ESPN: variants seen among roughly 807,000 people sequenced by gnomAD.
ESPN encodes espin.
Under a neutral mutation model 77.7 loss-of-function variants are expected in ESPN, and 68 were observed. The observed-to-expected ratio is 0.87, with a 90% CI of 0.72 to 1.07. The LOEUF is 1.07. Ranked by LOEUF, ESPN falls within the 50% of genes least tolerant of loss-of-function variation. The pLI, the probability that ESPN is intolerant of heterozygous loss-of-function variation, is 0.00. For missense variants in ESPN, 1,060 were observed against 1,239.0 expected (o/e 0.86, Z 2.17); for synonymous variants, 449 against 567.1 (o/e 0.79, Z 2.96).
chr1:6,454,061 G>C (rs1644002036), intron 10 of ESPN, among the ~76,000 whole-genome samples: 1 of 152,200 alleles, frequency 6.6e-6, no homozygotes. Context: ...CCCTCGGATG[G>C]GTTGGGGAGG....
At chr1:6,453,966 A>T (rs114394142) in intron 10 of ESPN, among the ~76,000 whole-genome samples, 3,684 of 152,224 alleles carry the variant, frequency 0.024, 137 homozygotes, top group African/African-American at 0.084. Flanking sequence ...CACAGAAAAC[A>T]TTGAGCACAG....
chr1:6,439,599 A>T (rs1643546999), intron 2 of ESPN, among the ~76,000 whole-genome samples: 1 of 152,144 alleles, frequency 6.6e-6, no homozygotes, highest in Non-Finnish European at 1.5e-5. Flanking sequence ...GACATTCCAG[A>T]TGGAGGGGGC....
chr1:6,443,989 T>C (rs1445868001), intron 5 of ESPN, among the ~76,000 whole-genome samples: 2 of 152,174 alleles, frequency 1.3e-5, no homozygotes, highest in African/African-American at 4.8e-5. Flanking sequence ...CAGCTGGCCA[T>C]CCAGGCCCCA....
At chr1:6,435,887 C>T (rs1295917270) in intron 2 of ESPN, among the ~76,000 whole-genome samples, 2 of 152,214 alleles carry the variant, frequency 1.3e-5, no homozygotes, top group Admixed American at 6.5e-5. Context: ...TCAGGCACTC[C>T]GCATGAGGTC....
intron 12 of ESPN, among the ~76,000 whole-genome samples, chr1:6,459,065 A>AC (rs1644106475): frequency 6.6e-6 from 1 of 151,694 alleles, no homozygotes; most frequent in Admixed American, 6.6e-5. Flanking sequence ...ACATGGTGAA[A>AC]CCCCGTCTCT....
At chr1:6,461,191 C>T (rs1294382137), downstream of ESPN, 2 of 715,782 alleles carry the variant, frequency 2.8e-6, no homozygotes, top group Non-Finnish European at 2.6e-6. This position sits in a 1 kb window ranked among gnomAD's most constrained non-coding sequence, Gnocchi z 6.3. Flanking sequence ...TTTAATACCG[C>T]GATCTCAGCC....
At chr1:6,448,249 G>T (rs1170515948) in intron 7 of ESPN, 1 of 162,844 alleles carries the variant, frequency 6.1e-6, no homozygotes, top group Non-Finnish European at 1.3e-5. Flanking sequence ...CTGGGGACCC[G>T]CAGTCCTTCT....
chr1:6,428,085 C>T lies in ESPN; in HGVS notation c.295-141C>T, dbSNP rs1306678133. 1 of 883,838 alleles carries T rather than the reference C, an allele frequency of 1.1e-6. No homozygotes were observed. The highest frequency in any genetic ancestry group is 1.8e-6 in the Non-Finnish European group (1 of 546,924). 54.7% of individuals were successfully genotyped at this position (883,838 alleles called of 1,614,324 possible). A position where few individuals can be genotyped will look rare whatever the true frequency, so the allele number is the denominator to read the frequency against. The stretch of plus-strand genomic sequence containing the variant: ...TCCGCTTGACCCAAAAAAAACATTG[C>T]TGAATGAGGCCTGGCCAATCCCTCC... On this transcript the variant is annotated intron_variant, in intron 1 of 12. Transcript: ENST00000645284. This position sits in a 1 kb window ranked among gnomAD's most constrained non-coding sequence, Gnocchi z 5.4.
chr1:6,449,341 C>T (rs968133052), intron 8 of ESPN, among the ~76,000 whole-genome samples: 1 of 152,164 alleles, frequency 6.6e-6, no homozygotes, highest in Non-Finnish European at 1.5e-5. Flanking sequence ...TGCCTCCCAC[C>T]CCCTAGCTGT....
At chr1:6,440,603 C>A in intron 3 of ESPN, 23 bp from the exon 4 acceptor site, 5 of 1,261,250 alleles carry the variant, frequency 4.0e-6, no homozygotes, top group African/African-American at 1.6e-5. Flanking sequence ...CCCCGCCCCC[C>A]TCTCCCCGCC....
At chr1:6,443,869 C>A (rs1037456152) in intron 5 of ESPN, among the ~76,000 whole-genome samples, 3 of 152,190 alleles carry the variant, frequency 2.0e-5, no homozygotes, top group African/African-American at 4.8e-5. Context: ...AGGGCCCCCA[C>A]CACAGCCCCG....
At chr1:6,442,232 C>T (rs1643663153) in intron 5 of ESPN, among the ~76,000 whole-genome samples, 1 of 152,028 alleles carries the variant, frequency 6.6e-6, no homozygotes, top group South Asian at 2.1e-4. Flanking sequence ...GGCACCCTGC[C>T]GAGTGCCTTA....
chr1:6,425,404 T>G (rs1000526415), intron 1 of ESPN, among the ~76,000 whole-genome samples, 155 bp downstream of exon 1: 10 of 152,348 alleles, frequency 6.6e-5, no homozygotes, highest in African/African-American at 2.4e-4. Context: ...CTCAAGTGAA[T>G]GGGCTCCCTG....
At chr1:6,431,740 GCACCACCCAGTGT>G (rs77362098) in intron 2 of ESPN, among the ~76,000 whole-genome samples, 9,660 of 152,088 alleles carry the variant, frequency 0.064, 378 homozygotes, top group East Asian at 0.15. Flanking sequence ...TAGGGGTCTG[GCACCACCCAGTGT>G]CATCTGAGCC....
chr1:6,426,583 ACCTGGACAG>A (rs888383534), intron 1 of ESPN, among the ~76,000 whole-genome samples: 2 of 151,920 alleles, frequency 1.3e-5, no homozygotes, highest in Non-Finnish European at 2.9e-5. Context: ...GGGCCTGGAC[ACCTGGACAG>A]CCTGGACAGG....
At chr1:6,434,836 G>A (rs1643377592) in intron 2 of ESPN, among the ~76,000 whole-genome samples, 1 of 152,162 alleles carries the variant, frequency 6.6e-6, no homozygotes. Flanking sequence ...TGAAATTGAG[G>A]GGTCAGGGAA....
At chr1:6,456,582 T>A (rs3007412) in intron 10 of ESPN, 169,040 of 175,156 alleles carry the variant, frequency 0.97, 81,872 homozygotes, top group East Asian at 1. Context: ...AGGTCAAGGG[T>A]GCCACGTGTG....
At chr1:6,459,867 C>A in intron 12 of ESPN, 132 bp from the exon 13 acceptor site, 1 of 1,084,652 alleles carries the variant, frequency 9.2e-7, no homozygotes, top group Non-Finnish European at 1.4e-6. Context: ...AGCAACCGAG[C>A]CCCAGCCCTC....
rs888858332 is a variant in ESPN at position 6,440,811 on chromosome 1, C to G, written c.858+3C>G. On this transcript the variant is annotated splice_donor_region_variant and intron_variant, in intron 4 of 12. Coordinates refer to ENST00000645284, the MANE Select transcript of ESPN (RefSeq NM_031475.3). ...CCGCCGAGAACGGGGAGCTAGAGGT[C>G]AGCGCGGGCCCGGGGTGGGGGCGCG... 1 of 1,482,598 alleles carries G rather than the reference C, an allele frequency of 6.7e-7. No homozygotes were observed. The highest frequency in any genetic ancestry group is 1.5e-5 in the African/African-American group (1 of 67,916). 91.8% of individuals were successfully genotyped at this position (1,482,598 alleles called of 1,614,324 possible). A position where few individuals can be genotyped will look rare whatever the true frequency, so the allele number is the denominator to read the frequency against.
Sources: gnomAD v4.1 joint callset for allele counts (sites outside exome capture counted in the v4.1 genomes callset) on GRCh38, gnomAD v4.1.1 for gene constraint, Gnocchi (gnomAD v3.1) non-coding constraint, MANE v1.5 for transcripts, NCBI Gene and HGNC (gene_info 2026-07-23, HGNC 2026-07-21) for gene names.